The following NBPF11 variants were observed in gnomAD, a reference collection of about 807,000 sequenced individuals.
NBPF11 encodes NBPF family member NBPF11.
A neutral mutation model predicts 93.9 loss-of-function variants in NBPF11; 72 were observed. That is an observed-to-expected ratio of 0.77 (90% CI 0.63 to 0.93). The LOEUF (loss-of-function observed/expected upper bound fraction) is 0.93. Ranked by LOEUF, NBPF11 falls within the 40% of genes least tolerant of loss-of-function variation. The pLI, the probability that NBPF11 is intolerant of heterozygous loss-of-function variation, is 0.00. For missense variants in NBPF11, 705 were observed against 802.2 expected (o/e 0.88, Z 1.46); for synonymous variants, 224 against 304.9 (o/e 0.73, Z 2.76).
Position 148,124,785 on chromosome 1 carries a change from G to C in NBPF11, c.278+114C>G, listed in dbSNP as rs1348880109. On this transcript the variant is annotated intron_variant, in intron 6 of 23. Transcript: ENST00000682118. ...ATTTGTGTGTCATGAGCCTGCCATG[G>C]CAATTTCTGCCCTTCCCCTGGCCCA... 7 of 964,926 alleles carry C rather than the reference G, an allele frequency of 7.3e-6. No individual in the cohort carries two copies. The African/African-American group carries it at 9.3e-5, about 13-fold the overall frequency. 59.8% of individuals were successfully genotyped at this position (964,926 alleles called of 1,614,324 possible).
intron 3 of NBPF11, 60 bp from the exon 4 acceptor site, chr1:148,135,873 G>T: frequency 1.2e-6 from 1 of 863,032 alleles, no homozygotes; most frequent in South Asian, 1.4e-5. Context: ...TTACCAATGA[G>T]ACACTTTCTT....
intron 11 of NBPF11, 68 bp downstream of exon 11, chr1:148,118,552 C>T (rs1332339974): frequency 9.3e-5 from 140 of 1,512,512 alleles, no homozygotes; most frequent in Middle Eastern, 9.2e-4. Context: ...TACGTCTCCC[C>T]ACTGAGCTAC....
chr1:148,102,347 G>T lies in NBPF11; in HGVS notation c.*1549C>A, dbSNP rs1487175595. 1 of 151,886 alleles carries T rather than the reference G, an allele frequency of 6.6e-6. No homozygotes were observed. Among genetic ancestry groups the T allele is most frequent in the Non-Finnish European group, 1.5e-5 (1 of 68,024 alleles). The allele number at this position is 151,886 out of a possible 1,614,324, so 9.4% of individuals were successfully genotyped here. Reference sequence around the variant, plus strand: ...ACACAGGCAGGGAGGATTAATAAATGATAAAATGTTTAGAGGATGATCATT... The same window carrying T: ...ACACAGGCAGGGAGGATTAATAAATTATAAAATGTTTAGAGGATGATCATT... On this transcript the variant is annotated 3_prime_UTR_variant, in exon 24 of 24. Transcript: ENST00000682118.
chr1:148,137,088 G>T (rs1479573308), intron 3 of NBPF11, among the ~76,000 whole-genome samples: 2 of 151,890 alleles, frequency 1.3e-5, no homozygotes, highest in African/African-American at 4.9e-5. Flanking sequence ...GCCTCTTAAG[G>T]TGATGAGACA....
intron 10 of NBPF11, among the ~76,000 whole-genome samples, chr1:148,119,560 G>T (rs1165720922): frequency 6.6e-6 from 1 of 151,826 alleles, no homozygotes; most frequent in Non-Finnish European, 1.5e-5. Flanking sequence ...ATTCTCGGGT[G>T]CGATCTTTCT....
chr1:148,103,980 T>C (rs1393207493), intron 23 of NBPF11, 68 bp from the exon 24 acceptor site: 1 of 1,609,294 alleles, frequency 6.2e-7, no homozygotes, highest in African/African-American at 1.3e-5. Context: ...CCACTAGATT[T>C]CAGAAGTAAC....
chr1:148,111,596 A>G (rs1227932312), intron 15 of NBPF11, among the ~76,000 whole-genome samples: 2 of 151,180 alleles, frequency 1.3e-5, no homozygotes, highest in African/African-American at 2.5e-5. Flanking sequence ...CACGAAAACT[A>G]CGTGATGCAT....
Position 148,119,813 on chromosome 1 carries a change from G to A in NBPF11, c.988+688C>T, listed in dbSNP as rs1379399646. ...GGTGATTACAGTCACCTGCCACCAC[G>A]CCCATCTACTTTTTGTATTTTTAGT... On this transcript the variant is annotated intron_variant, in intron 10 of 23. Transcript: ENST00000682118. 2.4e-3 allele frequency among the ~76,000 whole-genome samples: 358 copies of A among 151,896 alleles called. 3 individuals are homozygous for A. Among genetic ancestry groups the A allele is most frequent in the Admixed American group, 4.8e-3 (73 of 15,272 alleles).
intron 1 of NBPF11, among the ~76,000 whole-genome samples, chr1:148,150,225 C>T (rs1647945368): frequency 6.9e-6 from 1 of 145,584 alleles, no homozygotes; most frequent in African/African-American, 2.6e-5. Context: ...GATCACTGCT[C>T]ACTGCAATCT....
intron 1 of NBPF11, among the ~76,000 whole-genome samples, chr1:148,150,516 A>C (rs1448310907): frequency 1.3e-5 from 2 of 151,750 alleles, no homozygotes; most frequent in Non-Finnish European, 2.9e-5. Context: ...GAATAGAAAA[A>C]AAAAAGAGCT....
chr1:148,152,256 C>G lies in NBPF11; in HGVS notation c.-1055G>C, dbSNP rs2746922. On this transcript the variant is annotated 5_prime_UTR_variant, in exon 1 of 24. Coordinates refer to ENST00000682118, the MANE Select transcript of NBPF11 (RefSeq NM_001385469.3). ...CGGGAGACACACCCCCTCGGAAGCCCGGAGCTACCCCGCGTTTAGGACTGC... is the reference window on the plus strand; with the variant it reads ...CGGGAGACACACCCCCTCGGAAGCCGGGAGCTACCCCGCGTTTAGGACTGC... 1.3e-5 allele frequency: 2 copies of G among 152,108 alleles called. No homozygotes were observed. The highest frequency in any genetic ancestry group is 2.4e-5 in the African/African-American group (1 of 41,298). The allele number at this position is 152,108 out of a possible 1,614,324, so 9.4% of individuals were successfully genotyped here.
chr1:148,139,506 T>C (rs1469422561), intron 2 of NBPF11, among the ~76,000 whole-genome samples: 11 of 149,300 alleles, frequency 7.4e-5, no homozygotes, highest in African/African-American at 2.3e-4. Flanking sequence ...AGTGACAAAA[T>C]ATGCTGAAGT....
At chr1:148,132,212 TATACAC>T (rs1460550081) in intron 4 of NBPF11, among the ~76,000 whole-genome samples, 1 of 85,978 alleles carries the variant, frequency 1.2e-5, no homozygotes, top group South Asian at 3.2e-4. Context: ...TATATATATA[TATACAC>T]ACACACACAC....
intron 4 of NBPF11, 102 bp from the exon 5 acceptor site, chr1:148,127,140 C>G (rs4515852): frequency 2.3e-6 from 1 of 425,742 alleles, no homozygotes; most frequent in Non-Finnish European, 3.9e-6. Context: ...TCTTAACTTA[C>G]TGTTGTGAAA....
At chr1:148,121,127 C>T (rs1394503625) in intron 9 of NBPF11, among the ~76,000 whole-genome samples, 1 of 151,682 alleles carries the variant, frequency 6.6e-6, no homozygotes, top group Non-Finnish European at 1.5e-5. Context: ...TCACTGCCAC[C>T]TCTGCCTCCC....
chr1:148,106,722 T>G lies in NBPF11; in HGVS notation c.2251+220A>C, dbSNP rs1172802439. ...TGCTGAGAGTGGGCTCAGGTTGCCA[T>G]AGGCATGGCTGGAGACTAGGAATAG... On this transcript the variant is annotated intron_variant, in intron 20 of 23. Transcript: ENST00000682118. Among the ~76,000 whole-genome samples, 65 of 148,662 alleles carry G rather than the reference T, an allele frequency of 4.4e-4. No homozygotes were observed. In the East Asian group the frequency reaches 0.013, roughly 30 times the overall value.
intron 11 of NBPF11, among the ~76,000 whole-genome samples, chr1:148,118,227 G>A (rs1667015293): frequency 6.6e-6 from 1 of 151,304 alleles, no homozygotes; most frequent in African/African-American, 2.4e-5. Flanking sequence ...GGGTCGAGAA[G>A]GCAACATTGA....
chr1:148,126,570 T>A (rs1669167333), intron 5 of NBPF11, among the ~76,000 whole-genome samples: 1 of 151,944 alleles, frequency 6.6e-6, no homozygotes, highest in Non-Finnish European at 1.5e-5. Context: ...TGATTGAGCC[T>A]CTTGGAGAAA....
At chr1:148,134,750 A>G (rs1459776685) in intron 4 of NBPF11, among the ~76,000 whole-genome samples, 42,231 of 151,530 alleles carry the variant, frequency 0.28, 6,719 homozygotes, top group African/African-American at 0.41. Flanking sequence ...GTACAGCCTC[A>G]CTCAATTATG....
Sources: gnomAD v4.1 joint callset for allele counts (sites outside exome capture counted in the v4.1 genomes callset) on GRCh38, gnomAD v4.1.1 for gene constraint, MANE v1.5 for transcripts, NCBI Gene and HGNC (gene_info 2026-07-23, HGNC 2026-07-21) for gene names.